Variants in ADGRB3 observed in about 807,000 individuals in gnomAD.
ADGRB3 encodes the protein adhesion G protein-coupled receptor B3.
ADGRB3 carries 37 observed loss-of-function variants against 193.4 expected under a neutral mutation model. The observed-to-expected ratio is 0.19, with a 90% confidence interval of 0.15 to 0.25. ADGRB3 has a LOEUF of 0.25. Among genes scored for constraint, ADGRB3 ranks in the 10% least tolerant of loss-of-function variants. The probability of loss-of-function intolerance (pLI) is 1.00; values close to 1 mark genes in which losing one functional copy is unlikely to be tolerated. For synonymous variants in ADGRB3, 690 were observed against 644.2 expected (o/e 1.07, Z -1.08); for missense variants, 1,637 against 1,852.9 (o/e 0.88, Z 2.14).
At chr6:69,386,409 A>G (rs1286906170) in intron 31 of ADGRB3, among the ~76,000 whole-genome samples, 1 of 152,066 alleles carries the variant, frequency 6.6e-6, no homozygotes, top group Non-Finnish European at 1.5e-5. Context: ...TCCTTTAGAC[A>G]CAACCCTCGT....
chr6:68,846,834 C>T (rs542255261), intron 3 of ADGRB3, among the ~76,000 whole-genome samples: 1 of 152,310 alleles, frequency 6.6e-6, no homozygotes, highest in South Asian at 2.1e-4. Context: ...TGGGGCACTG[C>T]CTAGTGGAGC....
chr6:68,723,439 G>T (rs1159207869), intron 3 of ADGRB3, among the ~76,000 whole-genome samples: 1 of 151,712 alleles, frequency 6.6e-6, no homozygotes, highest in Non-Finnish European at 1.5e-5. Flanking sequence ...CGATAGGTTA[G>T]CTCACAGAGG....
chr6:68,720,613 T>A lies in ADGRB3; in HGVS notation c.757+81181T>A, dbSNP rs1251031160. ...TTAGAATACTGAATCTATTACCATTTATAAAACCAAGTGCATTCTTTGCAT... is the reference window on the plus strand; with the variant it reads ...TTAGAATACTGAATCTATTACCATTAATAAAACCAAGTGCATTCTTTGCAT... On this transcript the variant is annotated intron_variant, in intron 3 of 31. Transcript: ENST00000370598. 2.0e-5 allele frequency among the ~76,000 whole-genome samples: 3 copies of A among 151,912 alleles called. No individual in the cohort carries two copies. The East Asian group carries it at 5.8e-4, about 30-fold the overall frequency.
intron 3 of ADGRB3, among the ~76,000 whole-genome samples, chr6:68,664,477 T>A (rs903981953): frequency 6.6e-6 from 1 of 151,838 alleles, no homozygotes; most frequent in Non-Finnish European, 1.5e-5. Flanking sequence ...TTCTGCCATG[T>A]GAGTCATAAA....
At chr6:68,727,686 T>A (rs1350127618) in intron 3 of ADGRB3, among the ~76,000 whole-genome samples, 1 of 151,542 alleles carries the variant, frequency 6.6e-6, no homozygotes, top group African/African-American at 2.4e-5. Context: ...CAATTTAATA[T>A]TAAAGGGCTT....
At chr6:68,693,696 A>G (rs1417732579) in intron 3 of ADGRB3, among the ~76,000 whole-genome samples, 3 of 152,048 alleles carry the variant, frequency 2.0e-5, no homozygotes, top group East Asian at 1.9e-4. Flanking sequence ...TAACTACACA[A>G]CCAACCAAAT....
At chr6:69,017,955 C>T (rs939773671) in intron 12 of ADGRB3, among the ~76,000 whole-genome samples, 7 of 151,840 alleles carry the variant, frequency 4.6e-5, no homozygotes, top group African/African-American at 1.7e-4. Flanking sequence ...TATTATTATG[C>T]AATAACTTAA....
At chr6:68,968,113 A>G (rs1562103842) in intron 8 of ADGRB3, among the ~76,000 whole-genome samples, 1 of 131,860 alleles carries the variant, frequency 7.6e-6, no homozygotes, top group African/African-American at 2.9e-5. Context: ...TTTTTCCCCA[A>G]CTATTTGCCT....
chr6:69,181,359 T>A (rs1209290292), intron 17 of ADGRB3, among the ~76,000 whole-genome samples: 1 of 152,176 alleles, frequency 6.6e-6, no homozygotes, highest in Non-Finnish European at 1.5e-5. Context: ...ATAATATTCT[T>A]ATTTTTTTAA....
At chr6:68,887,179 A>G (rs1388434865) in intron 3 of ADGRB3, among the ~76,000 whole-genome samples, 3 of 152,048 alleles carry the variant, frequency 2.0e-5, no homozygotes, top group East Asian at 1.9e-4. Flanking sequence ...CAGCTTTAAG[A>G]TTTAAAAATA....
At chr6:68,695,749 A>G (rs1297929020) in intron 3 of ADGRB3, among the ~76,000 whole-genome samples, 1 of 151,490 alleles carries the variant, frequency 6.6e-6, no homozygotes, top group African/African-American at 2.4e-5. Context: ...TCCCAATCTG[A>G]CTGCTACCTT....
chr6:69,208,587 G>A (rs1035537454), intron 17 of ADGRB3, among the ~76,000 whole-genome samples: 2 of 152,190 alleles, frequency 1.3e-5, no homozygotes, highest in African/African-American at 4.8e-5. Flanking sequence ...GTCCACTTTA[G>A]GGTGGTGCCT....
chr6:68,771,178 A>G (rs1461403721), intron 3 of ADGRB3, among the ~76,000 whole-genome samples: 2 of 152,078 alleles, frequency 1.3e-5, no homozygotes, highest in African/African-American at 2.4e-5. Flanking sequence ...TCATTATGGA[A>G]TGTTTCAAAT....
At chr6:69,335,786 A>G (rs1361577753) in intron 24 of ADGRB3, among the ~76,000 whole-genome samples, 1 of 152,070 alleles carries the variant, frequency 6.6e-6, no homozygotes, top group Admixed American at 6.6e-5. Context: ...GAATATACAC[A>G]TATATCAAGC....
chr6:69,109,380 A>G (rs77087195), intron 17 of ADGRB3, among the ~76,000 whole-genome samples: 9,251 of 152,216 alleles, frequency 0.061, 350 homozygotes, highest in South Asian at 0.11. Context: ...TACCCTCCCT[A>G]TCTCTCCCAG....
At chr6:69,101,567 G>A (rs1773056885) in intron 17 of ADGRB3, among the ~76,000 whole-genome samples, 1 of 151,498 alleles carries the variant, frequency 6.6e-6, no homozygotes, top group African/African-American at 2.4e-5. Flanking sequence ...GCTTTTATTT[G>A]CCATTTATAT....
intron 3 of ADGRB3, among the ~76,000 whole-genome samples, chr6:68,749,907 A>G (rs56392194): frequency 6.6e-6 from 1 of 152,202 alleles, no homozygotes; most frequent in South Asian, 2.1e-4. Flanking sequence ...AAAATATTAC[A>G]TTGTTTATAA....
chr6:68,645,262 A>G (rs1038145448), intron 3 of ADGRB3, among the ~76,000 whole-genome samples: 1 of 152,092 alleles, frequency 6.6e-6, no homozygotes, highest in Non-Finnish European at 1.5e-5. Flanking sequence ...CTACTACTCT[A>G]TATTATCACT....
In ADGRB3 at chr6:69,197,056, A is replaced by G. The variant is rs140301594; in HGVS notation, c.2481-36234A>G. Among the ~76,000 whole-genome samples the G allele has an allele frequency of 2.6e-3, 401 of 152,186 alleles. 1 individual carries two copies. The highest frequency in any genetic ancestry group is 9.5e-3 in the African/African-American group (394 of 41,536). ...ACTTTACCCTTTGCCAACTATATCAATATGTATATGTGTGGGTGTCTATGT... is the reference window on the plus strand; with the variant it reads ...ACTTTACCCTTTGCCAACTATATCAGTATGTATATGTGTGGGTGTCTATGT... On this transcript the variant is annotated intron_variant, in intron 17 of 31. Coordinates refer to ENST00000370598, the MANE Select transcript of ADGRB3 (RefSeq NM_001704.3).
Sources: allele counts gnomAD v4.1 joint callset (sites outside exome capture counted in the v4.1 genomes callset), GRCh38; gene constraint gnomAD v4.1.1; transcripts MANE v1.5; gene names NCBI Gene and HGNC (gene_info 2026-07-23, HGNC 2026-07-21).